The following SDK1 variants were observed in gnomAD, a reference collection of about 807,000 sequenced individuals.
The protein encoded by SDK1 is protein sidekick-1.
SDK1 carries 157 observed loss-of-function variants against 245.5 expected under a neutral mutation model. The observed-to-expected ratio is 0.64, with a 90% CI of 0.56 to 0.73. The LOEUF (loss-of-function observed/expected upper bound fraction) is 0.73, where lower values mean the gene tolerates loss of function less well. SDK1 is among the 30% of genes least tolerant of loss of function. The pLI, the probability that SDK1 is intolerant of heterozygous loss-of-function variation, is 0.00. For synonymous variants in SDK1, 1,647 were observed against 1,278.5 expected (o/e 1.29, Z -6.15); for missense variants, 3,583 against 3,002.3 (o/e 1.19, Z -4.52).
chr7:3,981,299 T>A (rs1411020092), intron 13 of SDK1, among the ~76,000 whole-genome samples: 2 of 152,210 alleles, frequency 1.3e-5, no homozygotes, highest in African/African-American at 4.8e-5. Flanking sequence ...CCTTGTGTGT[T>A]CTGACTGCTC....
intron 1 of SDK1, among the ~76,000 whole-genome samples, chr7:3,614,484 G>T (rs182231328): frequency 6.6e-6 from 1 of 152,114 alleles, no homozygotes; most frequent in African/African-American, 2.4e-5. Context: ...TACCTTAGAG[G>T]CAACTCAATC....
chr7:3,552,903 G>A (rs1779461516), intron 1 of SDK1, among the ~76,000 whole-genome samples: 1 of 152,196 alleles, frequency 6.6e-6, no homozygotes, highest in Non-Finnish European at 1.5e-5. Context: ...TTTATCTGAA[G>A]ATTGTGCAGA....
intron 5 of SDK1, among the ~76,000 whole-genome samples, chr7:3,904,702 A>G (rs1002743249): frequency 1.3e-5 from 2 of 152,034 alleles, no homozygotes; most frequent in African/African-American, 2.4e-5. Context: ...TCTAAAAAAA[A>G]TTAATAATAG....
chr7:3,882,306 G>A (rs2128099718), intron 5 of SDK1, among the ~76,000 whole-genome samples: 1 of 152,288 alleles, frequency 6.6e-6, no homozygotes, highest in East Asian at 1.9e-4. Flanking sequence ...GGCTGTAGAG[G>A]CCCACTTGAA....
intron 5 of SDK1, among the ~76,000 whole-genome samples, chr7:3,844,456 C>A (rs902867365): frequency 1.3e-5 from 2 of 152,308 alleles, no homozygotes; most frequent in Admixed American, 1.3e-4. Context: ...TTGATGTGCT[C>A]AGCTGGATGG....
At chr7:4,231,889 A>T (rs1562461542) in intron 40 of SDK1, among the ~76,000 whole-genome samples, 1 of 152,188 alleles carries the variant, frequency 6.6e-6, no homozygotes, top group South Asian at 2.1e-4. Flanking sequence ...CTCAGTGCCC[A>T]TAAAGTAGTC....
intron 1 of SDK1, among the ~76,000 whole-genome samples, chr7:3,396,606 ATTTCC>A (rs939220866): frequency 1.1e-3 from 163 of 151,690 alleles, no homozygotes; most frequent in African/African-American, 3.8e-3. Context: ...TTATTATAAA[ATTTCC>A]TTTTCTTTCT....
chr7:4,266,046 G>A lies in SDK1; in HGVS notation c.*662G>A, dbSNP rs772279708. 100 of 985,326 alleles carry A rather than the reference G, an allele frequency of 1.0e-4. No homozygotes were observed. The highest frequency in any genetic ancestry group is 1.2e-4 in the Non-Finnish European group (97 of 829,932). 61.0% of individuals were successfully genotyped at this position (985,326 alleles called of 1,614,324 possible). ...ACTGTCTGTGTCACTGCAGTGGTGC[G>A]GTCCTCAGGCTTTTCTGCCTGTCTT... On this transcript the variant is annotated 3_prime_UTR_variant, in exon 45 of 45. Transcript: ENST00000404826.
At chr7:3,464,804 C>T (rs977294860) in intron 1 of SDK1, among the ~76,000 whole-genome samples, 5 of 151,526 alleles carry the variant, frequency 3.3e-5, no homozygotes, top group South Asian at 4.2e-4. Flanking sequence ...ACACTAATGT[C>T]GGGACAGTCT....
At chr7:3,649,078 G>C (rs373752790) in intron 4 of SDK1, among the ~76,000 whole-genome samples, 1 of 152,148 alleles carries the variant, frequency 6.6e-6, no homozygotes, top group Non-Finnish European at 1.5e-5. Context: ...GCCAGGGACA[G>C]AAAGGGGAAT....
intron 5 of SDK1, among the ~76,000 whole-genome samples, chr7:3,872,007 T>A (rs1780968079): frequency 6.6e-6 from 1 of 152,242 alleles, no homozygotes; most frequent in East Asian, 1.9e-4. Flanking sequence ...GGAGTTTTTG[T>A]TATGAACTTT....
chr7:4,096,250 G>A (rs1782144911), intron 22 of SDK1, among the ~76,000 whole-genome samples: 1 of 152,236 alleles, frequency 6.6e-6, no homozygotes, highest in African/African-American at 2.4e-5. Context: ...CTGGAACCAG[G>A]CCTGGCTGTG....
chr7:3,768,739 C>T (rs928972565), intron 4 of SDK1, among the ~76,000 whole-genome samples: 2 of 152,130 alleles, frequency 1.3e-5, no homozygotes, highest in African/African-American at 2.4e-5. Context: ...AGAAATTGAC[C>T]AGAAATAGTC....
At chr7:3,543,238 T>G (rs1779107279) in intron 1 of SDK1, among the ~76,000 whole-genome samples, 1 of 152,250 alleles carries the variant, frequency 6.6e-6, no homozygotes, top group Admixed American at 6.5e-5. Context: ...GCCATTGAAA[T>G]GGCATTAGTG....
At chr7:4,034,722 C>G (rs1034596301) in intron 17 of SDK1, among the ~76,000 whole-genome samples, 1 of 152,144 alleles carries the variant, frequency 6.6e-6, no homozygotes, top group African/African-American at 2.4e-5. Flanking sequence ...CAGGTACAAG[C>G]CTATTCGCTG....
intron 1 of SDK1, among the ~76,000 whole-genome samples, chr7:3,520,744 C>G (rs1562536710): frequency 6.6e-6 from 1 of 152,178 alleles, no homozygotes; most frequent in Non-Finnish European, 1.5e-5. Flanking sequence ...AACCCTTTTA[C>G]CAGCATTTAA....
chr7:3,991,872 C>T (rs983374651), intron 14 of SDK1, among the ~76,000 whole-genome samples: 2 of 152,184 alleles, frequency 1.3e-5, no homozygotes, highest in African/African-American at 4.8e-5. Context: ...GGCCAGTGGT[C>T]TGGTTTTTAT....
chr7:4,264,007 A>G (rs112277463), intron 44 of SDK1, among the ~76,000 whole-genome samples: 4 of 2,562 alleles, frequency 1.6e-3, no homozygotes, highest in African/African-American at 0.015. Flanking sequence ...CTCCTGAGTG[A>G]GGGAGGCCGC....
At chr7:3,760,894 A>G (rs529535361) in intron 4 of SDK1, among the ~76,000 whole-genome samples, 1 of 152,344 alleles carries the variant, frequency 6.6e-6, no homozygotes, top group South Asian at 2.1e-4. Context: ...TTTAACGCTG[A>G]GTAGTGAAGT....
Sources: allele counts gnomAD v4.1 joint callset (sites outside exome capture counted in the v4.1 genomes callset), GRCh38; gene constraint gnomAD v4.1.1; transcripts MANE v1.5; gene names NCBI Gene and HGNC (gene_info 2026-07-23, HGNC 2026-07-21).